Variants in ELL observed in about 807,000 individuals in gnomAD.
ELL encodes the protein elongation factor for RNA polymerase II.
A neutral mutation model predicts 64.0 loss-of-function variants in ELL; 18 were observed. The observed-to-expected ratio is 0.28, with a 90% CI of 0.19 to 0.42. ELL has a LOEUF of 0.42. Among genes scored for constraint, ELL ranks in the 10% least tolerant of loss-of-function variants. ELL has a pLI of 1.00. For synonymous variants in ELL, 399 were observed against 376.2 expected (o/e 1.06, Z -0.70); for missense variants, 797 against 870.4 (o/e 0.92, Z 1.06).
chr19:18,482,228 A>C (rs1028956541), intron 1 of ELL, among the ~76,000 whole-genome samples: 3 of 133,690 alleles, frequency 2.2e-5, no homozygotes, highest in African/African-American at 8.4e-5. Flanking sequence ...CTAAGTTTTG[A>C]GGTTTTTTTT....
At chr19:18,448,639 A>G (rs989961604) in intron 8 of ELL, 1 of 152,264 alleles carries the variant, frequency 6.6e-6, no homozygotes, top group Non-Finnish European at 1.5e-5. Flanking sequence ...GATAACTGCC[A>G]TGTGTCAGGC....
intron 1 of ELL, among the ~76,000 whole-genome samples, chr19:18,497,236 C>A (rs1488432350): frequency 1.3e-5 from 2 of 152,162 alleles, no homozygotes; most frequent in African/African-American, 4.8e-5. Flanking sequence ...CATGAAGGGG[C>A]CTTAAAAGCA....
chr19:18,465,936 G>C lies in ELL; in HGVS notation c.184-18C>G, dbSNP rs758035873. 123 of 1,290,676 alleles carry C rather than the reference G, an allele frequency of 9.5e-5. No homozygotes were observed. Among genetic ancestry groups the C allele is most frequent in the Non-Finnish European group, 7.2e-5 (73 of 1,012,810 alleles). The allele number at this position is 1,290,676 out of a possible 1,614,324, so 80.0% of individuals were successfully genotyped here. On this transcript the variant is annotated intron_variant, in intron 2 of 11. Coordinates refer to ENST00000262809, the MANE Select transcript of ELL (RefSeq NM_006532.4). Reference sequence around the variant, plus strand: ...GAGATGTGCTGCGTGGAGGGGGAGGGGGTGTCACTGGGAGGTCCTCGGCAG... The same window carrying C: ...GAGATGTGCTGCGTGGAGGGGGAGGCGGTGTCACTGGGAGGTCCTCGGCAG...
chr19:18,472,706 A>G (rs2144930376), intron 2 of ELL, 129 bp downstream of exon 2: 1 of 1,179,908 alleles, frequency 8.5e-7, no homozygotes, highest in Non-Finnish European at 1.2e-6. Flanking sequence ...CCTAGAACCC[A>G]GCCTTGCATG....
chr19:18,468,374 G>A (rs1048999069), intron 2 of ELL, among the ~76,000 whole-genome samples: 2 of 152,184 alleles, frequency 1.3e-5, no homozygotes, highest in African/African-American at 2.4e-5. Context: ...CCACTGAGGT[G>A]TTTTTTCACC....
At chr19:18,460,233 G>A (rs1974775575) in intron 5 of ELL, among the ~76,000 whole-genome samples, 1 of 152,180 alleles carries the variant, frequency 6.6e-6, no homozygotes, top group African/African-American at 2.4e-5. Context: ...TCTGGGTGAG[G>A]CACATCCCCC....
intron 2 of ELL, among the ~76,000 whole-genome samples, chr19:18,467,817 A>C: frequency 1.5e-5 from 1 of 68,420 alleles, no homozygotes; most frequent in Non-Finnish European, 2.5e-5. Context: ...ACACACACAA[A>C]CACAACCCCT....
intron 11 of ELL, 80 bp downstream of exon 11, chr19:18,445,144 G>A: frequency 6.4e-7 from 1 of 1,572,802 alleles, no homozygotes; most frequent in East Asian, 2.2e-5. Flanking sequence ...TAGCGGGCAG[G>A]GAGGCTGCCC....
chr19:18,478,439 C>T (rs1975223830), intron 1 of ELL, among the ~76,000 whole-genome samples: 2 of 152,182 alleles, frequency 1.3e-5, no homozygotes, highest in Admixed American at 6.5e-5. Flanking sequence ...CTCAGGCCAC[C>T]GCCTGCCCAG....
Position 18,501,188 on chromosome 19 carries a change from ACACAGTGAACCC to A in ELL, c.135+20721_135+20732del, listed in dbSNP as rs1975773654. Among the ~76,000 whole-genome samples, 1 of 152,140 alleles carries A rather than the reference ACACAGTGAACCC, an allele frequency of 6.6e-6. No homozygotes were observed. Among genetic ancestry groups the A allele is most frequent in the African/African-American group, 2.4e-5 (1 of 41,430 alleles). ...CCAGGGGCCACGTAGACAACCTGTG[ACACAGTGAACCC>A]CACTCCACGCCAAACCACCCAATGG... On this transcript the variant is annotated intron_variant, in intron 1 of 11. Transcript: ENST00000262809. The surrounding 1 kb of genome is among the most constrained non-coding windows in gnomAD (Gnocchi z 4.5).
chr19:18,513,837 A>G (rs893148523), intron 1 of ELL, among the ~76,000 whole-genome samples: 4 of 148,428 alleles, frequency 2.7e-5, no homozygotes, highest in Admixed American at 1.3e-4. Flanking sequence ...AGGCTGAGGC[A>G]GGAGAATGGC....
Position 18,443,461 on chromosome 19 carries a change from A to T in ELL, c.*1291T>A, listed in dbSNP as rs1292101735. 4.3e-6 allele frequency: 1 copy of T among 233,138 alleles called. No homozygotes were observed. Among genetic ancestry groups the T allele is most frequent in the Non-Finnish European group, 8.5e-6 (1 of 117,944 alleles). 14.4% of individuals were successfully genotyped at this position (233,138 alleles called of 1,614,324 possible). On this transcript the variant is annotated 3_prime_UTR_variant, in exon 12 of 12. Transcript: ENST00000262809. ...TGATGGCAGCAGTGACCCCCATGTG[A>T]TCCCTGGGCCCTGAGTCACAGCCGC...
intron 1 of ELL, among the ~76,000 whole-genome samples, chr19:18,521,536 C>G (rs1441434516): frequency 3.3e-5 from 5 of 152,234 alleles, no homozygotes. Flanking sequence ...TTCCCCCTAT[C>G]ACGGTGCCGG....
chr19:18,499,479 C>A (rs1372029982), intron 1 of ELL, among the ~76,000 whole-genome samples: 1 of 152,168 alleles, frequency 6.6e-6, no homozygotes, highest in Non-Finnish European at 1.5e-5. Context: ...AAGCAACATT[C>A]TTTAAAACAA....
chr19:18,450,328 C>A, intron 8 of ELL, 149 bp downstream of exon 8: 2 of 1,322,662 alleles, frequency 1.5e-6, no homozygotes, highest in East Asian at 2.5e-5. Flanking sequence ...AGGTGCCAGG[C>A]ACACAGGGCA....
intron 1 of ELL, among the ~76,000 whole-genome samples, chr19:18,485,095 G>T (rs1975381975): frequency 6.6e-6 from 1 of 152,192 alleles, no homozygotes; most frequent in Admixed American, 6.5e-5. Context: ...CCCAGGCCAG[G>T]CCTCTGTGGG....
chr19:18,509,611 A>G (rs866666496), intron 1 of ELL, among the ~76,000 whole-genome samples: 7,243 of 73,650 alleles, frequency 0.098, 600 homozygotes, highest in African/African-American at 0.37. Context: ...ACACACACAC[A>G]CACACACACA....
Position 18,501,672 on chromosome 19 carries a change from C to G in ELL, c.135+20249G>C, listed in dbSNP as rs887921512. 1.3e-5 allele frequency among the ~76,000 whole-genome samples: 2 copies of G among 152,226 alleles called. No individual in the cohort carries two copies. Among genetic ancestry groups the G allele is most frequent in the Non-Finnish European group, 2.9e-5 (2 of 68,034 alleles). On this transcript the variant is annotated intron_variant, in intron 1 of 11. Transcript: ENST00000262809. This position sits in a 1 kb window ranked among gnomAD's most constrained non-coding sequence, Gnocchi z 4.5. ...GATCTGCCCAATCCCAGGCACTTCC[C>G]ACTGGTCCATCTGACACACCTGGGG...
At chr19:18,465,744 G>A (rs1350867596) in intron 3 of ELL, 53 bp downstream of exon 3, 6 of 1,430,078 alleles carry the variant, frequency 4.2e-6, no homozygotes, top group Non-Finnish European at 5.5e-6. Context: ...GCCAGAGGTG[G>A]CAGGGTGACC....
Sources: allele counts gnomAD v4.1 joint callset (sites outside exome capture counted in the v4.1 genomes callset), GRCh38; gene constraint gnomAD v4.1.1; non-coding constraint Gnocchi (gnomAD v3.1); transcripts MANE v1.5; gene names NCBI Gene and HGNC (gene_info 2026-07-23, HGNC 2026-07-21).